Variants in FAM200A observed in about 807,000 individuals in gnomAD.
FAM200A encodes protein FAM200A.
A neutral mutation model predicts 44.2 loss-of-function variants in FAM200A; 26 were observed. That is an observed-to-expected ratio of 0.59 (90% CI 0.43 to 0.82). The LOEUF is 0.82. FAM200A is among the 40% of genes least tolerant of loss of function. The pLI is 0.00. For synonymous variants in FAM200A, 206 were observed against 244.4 expected (o/e 0.84, Z 1.47); for missense variants, 606 against 669.5 (o/e 0.91, Z 1.05).
At position 99,546,433 on chromosome 7, in the gene FAM200A, A is replaced by G. The variant is rs1584220670; in HGVS notation, c.*253T>C. ...GCCCAGGCTGGAATGCAGTGGGATT[A>G]TCTCAGCTCACTGCAATCTCTGCCT... On this transcript the variant is annotated 3_prime_UTR_variant, in exon 2 of 2. Coordinates refer to ENST00000449309, the MANE Select transcript of FAM200A (RefSeq NM_145111.4). 3.2e-5 allele frequency: 11 copies of G among 345,190 alleles called. No individual in the cohort carries two copies. The highest frequency in any genetic ancestry group is 1.4e-4 in the South Asian group (1 of 7,314). The allele number at this position is 345,190 out of a possible 1,614,324, so 21.4% of individuals were successfully genotyped here. A position where few individuals can be genotyped will look rare whatever the true frequency, so the allele number is the denominator to read the frequency against.
chr7:99,547,883 A>G lies in FAM200A; in HGVS notation c.525T>C (p.Cys175=). 1 of 1,551,008 alleles carries G rather than the reference A, an allele frequency of 6.4e-7. No individual in the cohort carries two copies. The highest frequency in any genetic ancestry group is 8.7e-7 in the Non-Finnish European group (1 of 1,146,898). ...CAGTTATATGTGAATTTAAATTTAA[A>G]CAACATAAGAGATCCTCTACAAAAT... is the stretch of plus-strand genomic sequence containing the variant. The part of the protein sequence containing the change: ...QDDFVEDLLC[C]LNLNSHITGL... Residue 175 remains cysteine (C), a synonymous_variant, in exon 2 of 2, where the codon TGT becomes TGC. Coordinates refer to ENST00000449309, the MANE Select transcript of FAM200A (RefSeq NM_145111.4).
upstream of FAM200A, chr7:99,552,158 C>T: frequency 2.0e-6 from 2 of 985,486 alleles, no homozygotes; most frequent in South Asian, 4.7e-5. Context: ...AGCTGCGCTC[C>T]GCTTCGGGGT....
Position 99,547,549 on chromosome 7 carries a change from C to G in FAM200A, c.859G>C (p.Glu287Gln). Residue 287 changes from glutamate to glutamine, a missense_variant, in exon 2 of 2, where the codon GAG becomes CAG. Transcript: ENST00000449309. ...AAGTGGGTGTGGTTCACTCCAATCTCTGAACAAAATATTTCGAGAAGTCGG... is the reference window on the plus strand; with the variant it reads ...AAGTGGGTGTGGTTCACTCCAATCTGTGAACAAAATATTTCGAGAAGTCGG... Reference protein sequence around the residue: ...NSRLLEIFCSEIGVNHTHLLF... With the variant: ...NSRLLEIFCSQIGVNHTHLLF... 1 of 1,550,900 alleles carries G rather than the reference C, an allele frequency of 6.4e-7. No homozygotes were observed. Among genetic ancestry groups the G allele is most frequent in the Non-Finnish European group, 8.7e-7 (1 of 1,146,806 alleles).
chr7:99,550,615 T>C (rs1240463815), intron 1 of FAM200A, among the ~76,000 whole-genome samples: 1 of 152,152 alleles, frequency 6.6e-6, no homozygotes, highest in Non-Finnish European at 1.5e-5. Context: ...CATTTGAGAC[T>C]TGGTGGGTCT....
intron 1 of FAM200A, among the ~76,000 whole-genome samples, chr7:99,550,674 A>G (rs781536617): frequency 9.9e-5 from 15 of 152,078 alleles, no homozygotes; most frequent in Admixed American, 2.0e-4. Flanking sequence ...CCAGTCCCCA[A>G]TGGTCCGCTG....
upstream of FAM200A, among the ~76,000 whole-genome samples, chr7:99,553,197 C>T (rs1391078236): frequency 1.3e-5 from 2 of 148,244 alleles, no homozygotes; most frequent in Non-Finnish European, 3.0e-5. Context: ...TCCGTGATGA[C>T]ATCATAGTCT....
chr7:99,553,018 C>CACACAT (rs1562926970), upstream of FAM200A, among the ~76,000 whole-genome samples: 3 of 131,754 alleles, frequency 2.3e-5, no homozygotes, highest in African/African-American at 8.8e-5. Flanking sequence ...TATATATACA[C>CACACAT]ATATATATAC....
In FAM200A at chr7:99,547,564, C is replaced by T. The variant is rs1244515015; in HGVS notation, c.844G>A (p.Glu282Lys). 26 of 1,550,874 alleles carry T rather than the reference C, an allele frequency of 1.7e-5. No homozygotes were observed. Among genetic ancestry groups the T allele is most frequent in the Non-Finnish European group, 2.1e-5 (24 of 1,146,832 alleles). ...ACTCCAATCTCTGAACAAAATATTT[C>T]GAGAAGTCGGCTATTCAGTGAGCTT... ...KGSSLNSRLL[E>K]IFCSEIGVNH... The change falls in exon 2 of 2, where the codon GAA (glutamate) becomes AAA (lysine). Residue 282 changes from glutamate (E) to lysine (K), a missense_variant. Transcript: ENST00000449309.
At chr7:99,551,453 T>C (rs1006727981) in intron 1 of FAM200A, among the ~76,000 whole-genome samples, 2 of 152,148 alleles carry the variant, frequency 1.3e-5, no homozygotes, top group Non-Finnish European at 2.9e-5. Context: ...CTGCCTAGGC[T>C]TCCCAAAGTG....
At chr7:99,557,858 G>C (rs766477909) in intron 1 of FAM200A, among the ~76,000 whole-genome samples, 1 of 152,148 alleles carries the variant, frequency 6.6e-6, no homozygotes, top group South Asian at 2.1e-4. Context: ...TCACTTTTCT[G>C]ATTCTCTAAG....
At chr7:99,550,115 C>T (rs1584224582) in intron 1 of FAM200A, among the ~76,000 whole-genome samples, 1 of 151,822 alleles carries the variant, frequency 6.6e-6, no homozygotes, top group Non-Finnish European at 1.5e-5. Context: ...AATGAACCCC[C>T]CCCTTTTTTT....
At chr7:99,551,734 G>T in intron 1 of FAM200A, 120 bp downstream of exon 1, 3 of 809,328 alleles carry the variant, frequency 3.7e-6, no homozygotes, top group Non-Finnish European at 3.0e-6. Context: ...GGGTCATTTT[G>T]TCCGCGCGTC....
chr7:99,547,436 G>C lies in FAM200A; in HGVS notation c.972C>G (p.Leu324=). The C allele has an allele frequency of 6.4e-7, 1 of 1,551,218 alleles. No individual in the cohort carries two copies. ...TTGCCAAATGAGATTGCTTTTCAAC[G>C]AGAAAAATGTAAATCTCGTTCCTGA... ...YELRNEIYIF[L]VEKQSHLANI... Residue 324 remains leucine, a synonymous_variant, in exon 2 of 2, where the codon CTC becomes CTG. Coordinates refer to ENST00000449309, the MANE Select transcript of FAM200A (RefSeq NM_145111.4).
upstream of FAM200A, chr7:99,552,220 C>T (rs1418759940): frequency 5.1e-6 from 5 of 973,494 alleles, no homozygotes; most frequent in Admixed American, 6.2e-5. Context: ...GCTCTAATCT[C>T]GGGTTTGGGG....
intron 1 of FAM200A, among the ~76,000 whole-genome samples, chr7:99,550,449 C>T (rs1337967683): frequency 1.3e-5 from 2 of 152,124 alleles, no homozygotes; most frequent in Non-Finnish European, 2.9e-5. Context: ...CTTAGCCTCT[C>T]TCAATAATGC....
At chr7:99,553,094 T>TACACAC (rs1802595374), upstream of FAM200A, among the ~76,000 whole-genome samples, 1 of 84,340 alleles carries the variant, frequency 1.2e-5, no homozygotes, top group African/African-American at 8.9e-5. Context: ...TATATATATA[T>TACACAC]ATATATTTTT....
upstream of FAM200A, among the ~76,000 whole-genome samples, chr7:99,554,108 C>T (rs1277271398): frequency 6.6e-6 from 1 of 152,164 alleles, no homozygotes; most frequent in Non-Finnish European, 1.5e-5. Context: ...GCTGGTATCT[C>T]TAAGACTCAG....
Position 99,548,394 on chromosome 7 carries a change from G to T in FAM200A, c.14C>A (p.Ser5Ter). 1 of 1,612,834 alleles carries T rather than the reference G, an allele frequency of 6.2e-7. No homozygotes were observed. Among genetic ancestry groups the T allele is most frequent in the Non-Finnish European group, 8.5e-7 (1 of 1,179,286 alleles). The change falls in exon 2 of 2, where the codon TCA becomes TAA. Residue 5 changes from serine to a stop codon, truncating the protein, a stop_gained. Transcript: ENST00000449309. LOFTEE classifies it high-confidence loss of function. ...TGGAGACAAATCTGTAGTATCCCTT[G>T]ATTCAGGAGTCATTATTCAGGTTCC... MTPE[S>*]RDTTDLSPGG...
chr7:99,553,050 C>CATAT (rs1293096944), upstream of FAM200A, among the ~76,000 whole-genome samples: 6 of 115,720 alleles, frequency 5.2e-5, no homozygotes, highest in African/African-American at 1.1e-4. Context: ...TATACACACA[C>CATAT]ATATATATAT....
Sources: gnomAD v4.1 joint callset for allele counts (sites outside exome capture counted in the v4.1 genomes callset) on GRCh38, gnomAD v4.1.1 for gene constraint, MANE v1.5 for transcripts, NCBI Gene and HGNC (gene_info 2026-07-23, HGNC 2026-07-21) for gene names.